Variants in BTBD9 observed in about 807,000 individuals in gnomAD.
BTBD9 encodes the protein BTB domain containing 9, also known as BTB/POZ domain-containing protein 9.
BTBD9 carries 49 observed loss-of-function variants against 64.3 expected under a neutral mutation model. The observed-to-expected ratio is 0.76, with a 90% confidence interval of 0.61 to 0.97. The LOEUF is 0.97. Among genes scored for constraint, BTBD9 ranks in the 50% least tolerant of loss-of-function variants. The pLI is 0.00. For missense variants in BTBD9, 598 were observed against 762.1 expected, an observed-to-expected ratio of 0.78 and a Z score of 2.53; for synonymous variants, 260 against 274.7, an observed-to-expected ratio of 0.95 and a Z score of 0.53.
chr6:38,172,274 C>T lies in BTBD9; in HGVS notation c.*2711G>A, dbSNP rs1766825366. 1 of 152,398 alleles carries T rather than the reference C, an allele frequency of 6.6e-6. No individual in the cohort carries two copies. The highest frequency in any genetic ancestry group is 6.5e-5 in the Admixed American group (1 of 15,294). 9.4% of individuals were successfully genotyped at this position (152,398 alleles called of 1,614,324 possible). ...CATCATCAGCACTTGCTTTTAGCTT[C>T]AAGTGTTTAGGTCGCTTTGGTCCTG... On this transcript the variant is annotated 3_prime_UTR_variant, in exon 11 of 11. Coordinates refer to ENST00000481247, the MANE Select transcript of BTBD9 (RefSeq NM_001099272.2).
chr6:38,468,169 A>G (rs921183372), intron 6 of BTBD9, among the ~76,000 whole-genome samples: 5 of 152,310 alleles, frequency 3.3e-5, no homozygotes, highest in Admixed American at 6.5e-5. Flanking sequence ...GTAAACCACC[A>G]TGCCCAGTCC....
At position 38,192,518 on chromosome 6, in the gene BTBD9, C is replaced by A; in HGVS notation, c.1641+1G>T. On this transcript the variant is annotated splice_donor_variant, in intron 10 of 10. Transcript: ENST00000481247. LOFTEE classifies it high-confidence loss of function. ...CACCTCTCATGAAAAGAGACCCTTA[C>A]CTCATTTGCTGTGTTGTGTGTCCCA... is the stretch of plus-strand genomic sequence containing the variant. 1 of 1,612,996 alleles carries A rather than the reference C, an allele frequency of 6.2e-7. No individual in the cohort carries two copies. The highest frequency in any genetic ancestry group is 2.2e-5 in the East Asian group (1 of 44,852).
chr6:38,201,462 T>C (rs771402387), intron 9 of BTBD9, among the ~76,000 whole-genome samples: 8 of 152,318 alleles, frequency 5.3e-5, no homozygotes, highest in South Asian at 2.1e-4. Context: ...AAAAGCCATC[T>C]ATGACAAACC....
chr6:38,345,209 A>G (rs1404093238), intron 6 of BTBD9, 116 bp from the exon 7 acceptor site: 1 of 556,426 alleles, frequency 1.8e-6, no homozygotes, highest in Non-Finnish European at 3.2e-6. Flanking sequence ...TATAGACCAA[A>G]GGAGACTCTG....
chr6:38,519,925 A>G (rs1342232004), intron 6 of BTBD9, among the ~76,000 whole-genome samples: 1 of 152,244 alleles, frequency 6.6e-6, no homozygotes, highest in Non-Finnish European at 1.5e-5. Flanking sequence ...ACAAAGAAAG[A>G]TAACCACTGT....
At chr6:38,452,437 G>A (rs1249416458) in intron 6 of BTBD9, among the ~76,000 whole-genome samples, 1 of 152,078 alleles carries the variant, frequency 6.6e-6, no homozygotes, top group African/African-American at 2.4e-5. Flanking sequence ...CCGTGTTTTA[G>A]TAAGATAAAT....
intron 10 of BTBD9, among the ~76,000 whole-genome samples, chr6:38,177,686 C>CCCGA (rs1761338455): frequency 6.6e-6 from 1 of 152,008 alleles, no homozygotes; most frequent in Non-Finnish European, 1.5e-5. Flanking sequence ...CATTCCACGA[C>CCCGA]CCGACCTGTC....
At chr6:38,355,349 A>T (rs1172900358) in intron 6 of BTBD9, among the ~76,000 whole-genome samples, 1 of 152,164 alleles carries the variant, frequency 6.6e-6, no homozygotes, top group African/African-American at 2.4e-5. Context: ...TCAATTTTGA[A>T]GCCTGTCTCC....
At chr6:38,185,893 C>A (rs1220786871) in intron 10 of BTBD9, among the ~76,000 whole-genome samples, 1 of 152,078 alleles carries the variant, frequency 6.6e-6, no homozygotes, top group South Asian at 2.1e-4. Context: ...CCCTGCAGCC[C>A]GTTGTATGAG....
intron 9 of BTBD9, among the ~76,000 whole-genome samples, chr6:38,211,718 T>G (rs1762841330): frequency 6.8e-6 from 1 of 146,552 alleles, no homozygotes; most frequent in Non-Finnish European, 1.5e-5. Flanking sequence ...CCCTCCAGCC[T>G]GGGCAACAGA....
chr6:38,477,598 C>T (rs1770945239), intron 6 of BTBD9, among the ~76,000 whole-genome samples: 1 of 152,242 alleles, frequency 6.6e-6, no homozygotes, highest in South Asian at 2.1e-4. Flanking sequence ...CCAATTCTCA[C>T]ATTTTACTGA....
intron 6 of BTBD9, among the ~76,000 whole-genome samples, chr6:38,488,507 C>A (rs552980502): frequency 1.3e-5 from 2 of 152,282 alleles, no homozygotes; most frequent in Admixed American, 6.5e-5. Context: ...TGACTTCAGG[C>A]TGCGATGTGT....
intron 1 of BTBD9, among the ~76,000 whole-genome samples, chr6:38,622,345 G>C (rs1399932799): frequency 1.3e-5 from 2 of 152,170 alleles, no homozygotes; most frequent in African/African-American, 2.4e-5. Flanking sequence ...GCCTTCCCCT[G>C]CAAGACAGAG....
intron 6 of BTBD9, among the ~76,000 whole-genome samples, chr6:38,494,842 A>C (rs988106542): frequency 1.3e-5 from 2 of 152,220 alleles, no homozygotes; most frequent in Admixed American, 6.5e-5. Flanking sequence ...TTGATTTCTC[A>C]CAATGAAAAG....
rs998290632 is a variant in BTBD9, at chr6:38,342,660, G to C, written c.1264+2324C>G. Among the ~76,000 whole-genome samples, 4 of 151,958 alleles carry C rather than the reference G, an allele frequency of 2.6e-5. No homozygotes were observed. In the East Asian group the frequency reaches 7.7e-4, roughly 29 times the overall value. ...CATATCAGTGATTCTCAGGAGGGGAGTGCATATTTCACAGGATATAAGAAA... is the reference window on the plus strand; with the variant it reads ...CATATCAGTGATTCTCAGGAGGGGACTGCATATTTCACAGGATATAAGAAA... On this transcript the variant is annotated intron_variant, in intron 7 of 10. Transcript: ENST00000481247.
intron 6 of BTBD9, among the ~76,000 whole-genome samples, chr6:38,391,039 A>G (rs554517182): frequency 6.6e-6 from 1 of 152,312 alleles, no homozygotes; most frequent in Admixed American, 6.5e-5. Context: ...ATCCTGGAAT[A>G]TCAAAGCTTC....
Position 38,173,481 on chromosome 6 carries a change from T to G in BTBD9, c.*1504A>C, listed in dbSNP as rs1766876152. On this transcript the variant is annotated 3_prime_UTR_variant, in exon 11 of 11. Coordinates refer to ENST00000481247, the MANE Select transcript of BTBD9 (RefSeq NM_001099272.2). ...GGTAGCCCTCTGATGTCTGCCATCC[T>G]GTGTTCACACGGAAAGACAGTCTTC... 6.6e-6 allele frequency: 1 copy of G among 152,268 alleles called. No homozygotes were observed. The highest frequency in any genetic ancestry group is 1.5e-5 in the Non-Finnish European group (1 of 68,054). 9.4% of individuals were successfully genotyped at this position (152,268 alleles called of 1,614,324 possible).
chr6:38,361,159 G>A (rs1235874981), intron 6 of BTBD9, among the ~76,000 whole-genome samples: 1 of 152,150 alleles, frequency 6.6e-6, no homozygotes, highest in Non-Finnish European at 1.5e-5. Flanking sequence ...TCATTTAACT[G>A]AAATGGGGCA....
chr6:38,291,422 C>T (rs1044984539), intron 7 of BTBD9, among the ~76,000 whole-genome samples: 1 of 152,206 alleles, frequency 6.6e-6, no homozygotes, highest in Non-Finnish European at 1.5e-5. Context: ...TCTAAATATA[C>T]AATCATGTCA....
Sources: gnomAD v4.1 joint callset for allele counts (sites outside exome capture counted in the v4.1 genomes callset) on GRCh38, gnomAD v4.1.1 for gene constraint, MANE v1.5 for transcripts, NCBI Gene and HGNC (gene_info 2026-07-23, HGNC 2026-07-21) for gene names.